The following MVB12A variants were observed in gnomAD, a reference collection of about 807,000 sequenced individuals.
MVB12A encodes the protein CIN85/CD2AP family binding protein.
In MVB12A, 30 loss-of-function variants were observed where a neutral mutation model predicts 34.3. That is an observed-to-expected ratio of 0.88 (90% CI 0.65 to 1.19). The LOEUF (loss-of-function observed/expected upper bound fraction) is 1.19, where lower values mean the gene tolerates loss of function less well. MVB12A is among the 50% of genes most tolerant of loss of function. MVB12A has a pLI of 0.00. For synonymous variants in MVB12A, 158 were observed against 158.9 expected (o/e 0.99, Z 0.04); for missense variants, 355 against 369.2 (o/e 0.96, Z 0.31).
intron 2 of MVB12A, among the ~76,000 whole-genome samples, chr19:17,408,290 T>C (rs2074741670): frequency 6.6e-6 from 1 of 151,878 alleles, no homozygotes; most frequent in Non-Finnish European, 1.5e-5. Context: ...CCTGCAATCC[T>C]AGTACTTTGG....
chr19:17,419,049 A>G (rs2074819588), upstream of MVB12A: 1 of 152,178 alleles, frequency 6.6e-6, no homozygotes, highest in Admixed American at 6.6e-5. Context: ...TCATCAATAT[A>G]TAATTATAAT....
At chr19:17,416,758 G>T (rs908001641), upstream of MVB12A, among the ~76,000 whole-genome samples, 12 of 147,974 alleles carry the variant, frequency 8.1e-5, no homozygotes, top group Middle Eastern at 3.6e-3. Context: ...GGAGTGCAGT[G>T]GCATGATCTT....
chr19:17,408,217 C>T (rs570114799), intron 2 of MVB12A, among the ~76,000 whole-genome samples: 120 of 151,866 alleles, frequency 7.9e-4, no homozygotes, highest in African/African-American at 2.8e-3. Flanking sequence ...AGTCTCTTGC[C>T]TTGGCACCTG....
In MVB12A at chr19:17,423,523, T is replaced by C; in HGVS notation, c.439T>C (p.Cys147Arg). 5.0e-6 allele frequency: 8 copies of C among 1,613,330 alleles called. No homozygotes were observed. Among genetic ancestry groups the C allele is most frequent in the Non-Finnish European group, 5.9e-6 (7 of 1,179,996 alleles). Residue 147 changes from cysteine (C) to arginine (R), a missense_variant, in exon 5 of 9, where the codon TGC (cysteine) becomes CGC (arginine). Physicochemically the swap from Cys to Arg is radical, Grantham distance 180. Transcript: ENST00000317040. ...GGACATGGGCGGCTTTGCCATCTGGTGCAAGAAGGCCAAGGCCCCGAGGCC... is the reference window on the plus strand; with the variant it reads ...GGACATGGGCGGCTTTGCCATCTGGCGCAAGAAGGCCAAGGCCCCGAGGCC... ...IGDMGGFAIW[C>R]KKAKAPRPVP...
At chr19:17,407,628 C>T (rs1161104241) in intron 2 of MVB12A, among the ~76,000 whole-genome samples, 2 of 152,190 alleles carry the variant, frequency 1.3e-5, no homozygotes, top group South Asian at 2.1e-4. Flanking sequence ...ATGACTACTG[C>T]TATCTAGAAG....
At position 17,423,489 on chromosome 19, in the gene MVB12A, C is replaced by T. The variant is rs750174863; in HGVS notation, c.414-9C>T. ...GCCAGCATCCCTCCCACCTTCCCTC[C>T]TGGTCCAGGGACATGGGCGGCTTTG... On this transcript the variant is annotated splice_polypyrimidine_tract_variant and intron_variant, in intron 4 of 8. Coordinates refer to ENST00000317040, the MANE Select transcript of MVB12A (RefSeq NM_138401.4). 1.3e-5 allele frequency: 21 copies of T among 1,611,508 alleles called. No homozygotes were observed. Among genetic ancestry groups the T allele is most frequent in the Non-Finnish European group, 1.7e-6 (2 of 1,179,502 alleles).
At chr19:17,411,459 G>A (rs4522527) in intron 2 of MVB12A, among the ~76,000 whole-genome samples, 39,227 of 151,482 alleles carry the variant, frequency 0.26, 6,275 homozygotes, top group Non-Finnish European at 0.37. Context: ...GGGCTCAAGC[G>A]ATCCTCCCAC....
At chr19:17,412,579 C>T (rs555215260) in intron 2 of MVB12A, among the ~76,000 whole-genome samples, 1 of 152,232 alleles carries the variant, frequency 6.6e-6, no homozygotes, top group African/African-American at 2.4e-5. Context: ...CCTCTGCTTT[C>T]TTATAGCGGG....
chr19:17,424,607 C>T lies in MVB12A; in HGVS notation c.703-14C>T. 2 of 1,609,738 alleles carry T rather than the reference C, an allele frequency of 1.2e-6. No homozygotes were observed. Among genetic ancestry groups the T allele is most frequent in the Non-Finnish European group, 8.5e-7 (1 of 1,178,108 alleles). ...TGAGATCGGGCCCAAGGCTGACCCA[C>T]CTCTGCCCGCCAGGCCTTCTCTGCT... On this transcript the variant is annotated splice_polypyrimidine_tract_variant and intron_variant, in intron 7 of 8. Transcript: ENST00000317040.
At chr19:17,410,525 T>TAC (rs1390922508) in intron 2 of MVB12A, among the ~76,000 whole-genome samples, 1 of 75,166 alleles carries the variant, frequency 1.3e-5, no homozygotes, top group Non-Finnish European at 2.5e-5. Context: ...TATATATATA[T>TAC]ATATACACAC....
At position 17,424,931 on chromosome 19, in the gene MVB12A, T is replaced by C. The variant is rs758205381; in HGVS notation, c.760T>C (p.Tyr254His). The change falls in exon 9 of 9, where the codon TAT (tyrosine) becomes CAT (histidine). Residue 254 changes from tyrosine (Y) to histidine (H), a missense_variant and splice_region_variant. Transcript: ENST00000317040. The part of the protein sequence containing the change: ...IKSLADIEEE[Y>H]NYGFVVEKTA... ...CACTCTCTCTCTCCCCATCCCCCAG[T>C]ATAACTACGGCTTCGTGGTGGAGAA... 4 of 1,606,144 alleles carry C rather than the reference T, an allele frequency of 2.5e-6. No individual in the cohort carries two copies. The South Asian group carries it at 3.3e-5, about 13-fold the overall frequency.
intron 3 of MVB12A, chr19:17,421,226 C>T: frequency 2.7e-6 from 1 of 370,292 alleles, no homozygotes; most frequent in Non-Finnish European, 5.2e-6. Context: ...CTCTTGTTGC[C>T]CAGGCTGGAG....
chr19:17,424,559 A>C, intron 7 of MVB12A, 62 bp from the exon 8 acceptor site: 1 of 1,557,226 alleles, frequency 6.4e-7, no homozygotes, highest in South Asian at 1.2e-5. Context: ...CCCCTTGAAG[A>C]CGAAGGAAAG....
chr19:17,409,458 T>A (rs2074750068), intron 2 of MVB12A, among the ~76,000 whole-genome samples: 1 of 144,052 alleles, frequency 6.9e-6, no homozygotes, highest in Admixed American at 7.0e-5. Context: ...TTTTTTTTTT[T>A]TTTTTTTGAG....
chr19:17,420,314 T>A lies in MVB12A; in HGVS notation c.92T>A (p.Ile31Asn). The A allele has an allele frequency of 3.1e-6, 5 of 1,594,488 alleles. No individual in the cohort carries two copies. In the South Asian group the frequency reaches 5.6e-5, roughly 18 times the overall value. The change falls in exon 2 of 9, where the codon ATC becomes AAC. Residue 31 changes from isoleucine to asparagine, a missense_variant and splice_region_variant. Ile to Asn is a moderately radical substitution (Grantham distance 149, BLOSUM62 -3). Transcript: ENST00000317040. ...SAPPPRGFSA[I>N]SCTVEGAPAS... is the part of the protein sequence containing the mutation. Reference sequence around the variant, plus strand: ...CGCTGACCCGCGTCCTCCCGGTAGATCTCCTGCACCGTCGAGGGGGCACCC... The same window carrying A: ...CGCTGACCCGCGTCCTCCCGGTAGAACTCCTGCACCGTCGAGGGGGCACCC...
Position 17,420,210 on chromosome 19 carries a change from G to T in MVB12A, c.75G>T (p.Pro25=). Residue 25 remains proline, a synonymous_variant, in exon 1 of 9, where the codon CCG becomes CCT. Transcript: ENST00000317040. ...GGTCGTCGGCCTCTGCACCCCCGCC[G>T]CGGGGGTTCAGCGCGGTGAGCGGCG... ...LAWSSASAPP[P]RGFSAISCTV... is the part of the protein sequence containing the mutation. 6.8e-7 allele frequency: 1 copy of T among 1,473,918 alleles called. No individual in the cohort carries two copies. 91.3% of individuals were successfully genotyped at this position (1,473,918 alleles called of 1,614,324 possible).
intron 3 of MVB12A, chr19:17,421,148 A>C (rs994722210): frequency 2.2e-6 from 1 of 447,140 alleles, no homozygotes; most frequent in African/African-American, 2.1e-5. Flanking sequence ...TATTTGACTC[A>C]GGCTATATTC....
chr19:17,410,497 CATATAT>C lies in MVB12A; in HGVS notation c.-5+4229_-5+4234del, dbSNP rs373127253. Among the ~76,000 whole-genome samples, 58 of 77,608 alleles carry C rather than the reference CATATAT, an allele frequency of 7.5e-4. 1 individual carries two copies. Among genetic ancestry groups the C allele is most frequent in the East Asian group, 4.9e-3 (12 of 2,470 alleles). 50.9% of individuals were successfully genotyped at this position (77,608 alleles called of 152,430 possible). A position where few individuals can be genotyped will look rare whatever the true frequency, so the allele number is the denominator to read the frequency against. On this transcript the variant is annotated intron_variant, in intron 2 of 6. Transcript: ENST00000528604. ...GCTAGCATTCTTTTGGTTTTAGCTT[CATATAT>C]ATATATATATATATATATATATATA...
Position 17,425,208 on chromosome 19 carries a change from G to T in MVB12A, c.*215G>T, listed in dbSNP as rs1046340959. 1.9e-6 allele frequency: 1 copy of T among 527,786 alleles called. No homozygotes were observed. Among genetic ancestry groups the T allele is most frequent in the African/African-American group, 2.0e-5 (1 of 50,918 alleles). The allele number at this position is 527,786 out of a possible 1,614,324, so 32.7% of individuals were successfully genotyped here. On this transcript the variant is annotated 3_prime_UTR_variant, in exon 9 of 9. Coordinates refer to ENST00000317040, the MANE Select transcript of MVB12A (RefSeq NM_138401.4). Reference sequence around the variant, plus strand: ...GTGGTGATGGGGTCTCCGCCCCCACGCCCTGCCGGGCAGGGCTGGAGCTGG... The same window carrying T: ...GTGGTGATGGGGTCTCCGCCCCCACTCCCTGCCGGGCAGGGCTGGAGCTGG...
Sources: allele counts gnomAD v4.1 joint callset (sites outside exome capture counted in the v4.1 genomes callset), GRCh38; gene constraint gnomAD v4.1.1; transcripts MANE v1.5; gene names NCBI Gene and HGNC (gene_info 2026-07-23, HGNC 2026-07-21).